Variants in MITF observed in about 807,000 individuals in gnomAD.
MITF encodes the protein microphthalmia-associated transcription factor.
MITF carries 17 observed loss-of-function variants against 60.5 expected under a neutral mutation model. The observed-to-expected ratio is 0.28, with a 90% CI of 0.19 to 0.42. MITF has a LOEUF of 0.42. MITF is among the 10% of genes least tolerant of loss of function. The pLI is 1.00. For missense variants in MITF, 622 were observed against 683.5 expected, an observed-to-expected ratio of 0.91 and a Z score of 1.00; for synonymous variants, 260 against 248.5, an observed-to-expected ratio of 1.05 and a Z score of -0.43.
Position 69,897,749 on chromosome 3 carries a change from C to G in MITF, c.354+18366C>G, listed in dbSNP as rs1016885050. On this transcript the variant is annotated intron_variant, in intron 2 of 9. Coordinates refer to ENST00000352241, the MANE Select transcript of MITF (RefSeq NM_001354604.2). ...GTTGGGATCATATCTCTTTTGCTCA[C>G]TTCTGTATCCTGGGCATTTTGCATT... 2.6e-5 allele frequency among the ~76,000 whole-genome samples: 4 copies of G among 152,186 alleles called. No homozygotes were observed. The East Asian group carries it at 7.7e-4, about 29-fold the overall frequency.
chr3:69,739,846 G>T (rs1482502584), intron 1 of MITF, 145 bp downstream of exon 1: 3 of 645,094 alleles, frequency 4.7e-6, no homozygotes, highest in Non-Finnish European at 8.3e-6. Flanking sequence ...ACTGCCCCTC[G>T]CAGTTGGGGG....
At chr3:69,887,188 A>T (rs2064639541) in intron 2 of MITF, among the ~76,000 whole-genome samples, 1 of 152,102 alleles carries the variant, frequency 6.6e-6, no homozygotes, top group African/African-American at 2.4e-5. Context: ...AAAAGTCATG[A>T]GTCTCCTTCA....
At chr3:69,882,842 A>G (rs987214471) in intron 2 of MITF, among the ~76,000 whole-genome samples, 3 of 152,182 alleles carry the variant, frequency 2.0e-5, no homozygotes, top group African/African-American at 7.2e-5. Context: ...GGTCGCTCTC[A>G]TCCTGGACTA....
At chr3:69,939,321 TG>T (rs1261250203) in intron 4 of MITF, 140 bp downstream of exon 4, 2 of 748,326 alleles carry the variant, frequency 2.7e-6, no homozygotes, top group African/African-American at 3.6e-5. Context: ...CTAGGAACAT[TG>T]CCATTTTCCT....
intron 1 of MITF, among the ~76,000 whole-genome samples, chr3:69,863,852 G>A (rs4855450): frequency 0.012 from 1,763 of 152,190 alleles, 91 homozygotes; most frequent in Admixed American, 0.087. Flanking sequence ...ATCTGCCACC[G>A]TCCCTGGCTT....
At chr3:69,804,745 G>A (rs779061435) in intron 1 of MITF, among the ~76,000 whole-genome samples, 13 of 152,194 alleles carry the variant, frequency 8.5e-5, no homozygotes, top group Non-Finnish European at 1.6e-4. Context: ...GAGTCCTGGA[G>A]GGGCAGAGAC....
At chr3:69,858,960 A>G (rs1187035041) in intron 1 of MITF, among the ~76,000 whole-genome samples, 1 of 152,160 alleles carries the variant, frequency 6.6e-6, no homozygotes, top group Non-Finnish European at 1.5e-5. Flanking sequence ...GTACCATGTT[A>G]AGTACTTTTC....
chr3:69,808,580 C>T (rs1220015963), intron 1 of MITF, among the ~76,000 whole-genome samples: 1 of 151,990 alleles, frequency 6.6e-6, no homozygotes, highest in African/African-American at 2.4e-5. Flanking sequence ...GTTTGCTGAG[C>T]TCTGGAAGAA....
At chr3:69,867,407 C>A (rs1391577429) in intron 1 of MITF, among the ~76,000 whole-genome samples, 1 of 152,098 alleles carries the variant, frequency 6.6e-6, no homozygotes. Flanking sequence ...TTTAAAAGGT[C>A]TTATAAAAGG....
chr3:69,815,327 G>A (rs564302239), intron 1 of MITF, among the ~76,000 whole-genome samples: 3 of 152,062 alleles, frequency 2.0e-5, no homozygotes, highest in African/African-American at 7.2e-5. Flanking sequence ...GACAACACAG[G>A]TCTGAACTGC....
At chr3:69,812,844 A>G (rs1200706901) in intron 1 of MITF, among the ~76,000 whole-genome samples, 3 of 152,194 alleles carry the variant, frequency 2.0e-5, no homozygotes, top group African/African-American at 4.8e-5. Context: ...TGTCTCCTAC[A>G]TAGTGGATTG....
Position 69,965,123 on chromosome 3 carries a change from A to G in MITF, c.1456A>G (p.Met486Val), listed in dbSNP as rs145589505. 35 of 1,614,126 alleles carry G rather than the reference A, an allele frequency of 2.2e-5. No homozygotes were observed. In the South Asian group the frequency reaches 3.5e-4, roughly 16 times the overall value. Residue 486 changes from methionine to valine, a missense_variant, in exon 10 of 10, where the codon ATG becomes GTG. This residue lies in a region of MITF where 224 missense variants were observed against 209.5 expected (regional missense o/e 1.07). Transcript: ENST00000352241. Reference sequence around the variant, plus strand: ...GGGATCCAAACTGGAAGACATCCTGATGGACGACACCCTTTCTCCCGTCGG... The same window carrying G: ...GGGATCCAAACTGGAAGACATCCTGGTGGACGACACCCTTTCTCCCGTCGG... Reference protein sequence around the residue: ...KMGSKLEDILMDDTLSPVGVT... With the variant: ...KMGSKLEDILVDDTLSPVGVT...
At chr3:69,909,978 A>G (rs1295339781) in intron 2 of MITF, among the ~76,000 whole-genome samples, 1 of 152,196 alleles carries the variant, frequency 6.6e-6, no homozygotes, top group Non-Finnish European at 1.5e-5. Context: ...CATGGGGAAA[A>G]TGTCTCCAGG....
intron 2 of MITF, among the ~76,000 whole-genome samples, chr3:69,884,441 A>G (rs1456267323): frequency 1.3e-5 from 2 of 152,110 alleles, no homozygotes; most frequent in South Asian, 2.1e-4. Context: ...GGTTGTCTCT[A>G]TCTTTAAGAA....
At chr3:69,778,486 C>G (rs947426093) in intron 1 of MITF, among the ~76,000 whole-genome samples, 1 of 152,082 alleles carries the variant, frequency 6.6e-6, no homozygotes, top group Non-Finnish European at 1.5e-5. Flanking sequence ...TAATCACTGC[C>G]GTTGTTTAGT....
intron 1 of MITF, among the ~76,000 whole-genome samples, chr3:69,821,690 T>TAAGAAA (rs373015973): frequency 8.8e-6 from 1 of 113,254 alleles, no homozygotes; most frequent in Non-Finnish European, 1.8e-5. Flanking sequence ...AAAAAAAAAC[T>TAAGAAA]AAAAAAAAAA....
chr3:69,802,351 A>G (rs1467100226), intron 1 of MITF, among the ~76,000 whole-genome samples: 1 of 152,204 alleles, frequency 6.6e-6, no homozygotes, highest in Non-Finnish European at 1.5e-5. Context: ...GACCTGCCAG[A>G]TCAAGGAGCA....
chr3:69,917,596 A>G (rs138737825), intron 2 of MITF, among the ~76,000 whole-genome samples: 12 of 152,156 alleles, frequency 7.9e-5, no homozygotes, highest in African/African-American at 2.9e-4. Flanking sequence ...TTCCATTTCT[A>G]TCCCTTGGAA....
At position 69,964,327 on chromosome 3, in the gene MITF, G is replaced by GTATCATAT. The variant is rs1236404851; in HGVS notation, c.1180-520_1180-519insTATCATAT. 8.7e-4 allele frequency among the ~76,000 whole-genome samples: 66 copies of GTATCATAT among 75,682 alleles called. 3 individuals are homozygous for GTATCATAT. The highest frequency in any genetic ancestry group is 2.5e-3 in the South Asian group (6 of 2,434). The allele number at this position is 75,682 out of a possible 152,430, so 49.7% of individuals were successfully genotyped here. A position where few individuals can be genotyped will look rare whatever the true frequency, so the allele number is the denominator to read the frequency against. ...TCAGTGTGAACATTAATATCTGTGA[G>GTATCATAT]AGACCATCTCTATTTTTCATACATA... On this transcript the variant is annotated intron_variant, in intron 9 of 9. Transcript: ENST00000352241.
Sources: gnomAD v4.1 joint callset for allele counts (sites outside exome capture counted in the v4.1 genomes callset) on GRCh38, gnomAD v4.1.1 for gene constraint, gnomAD v4.1.1 regional missense constraint, MANE v1.5 for transcripts, NCBI Gene and HGNC (gene_info 2026-07-23, HGNC 2026-07-21) for gene names.